The following CADPS variants were observed in gnomAD, a reference collection of about 807,000 sequenced individuals.
CADPS encodes calcium dependent secretion activator, also known as calcium-dependent secretion activator 1.
Under a neutral mutation model 167.3 loss-of-function variants are expected in CADPS, and 57 were observed. That is an observed-to-expected ratio of 0.34 (90% CI 0.28 to 0.42). The LOEUF is 0.42. CADPS is among the 20% of genes least tolerant of loss of function. CADPS has a pLI of 1.00. For missense variants in CADPS, 1,414 were observed against 1,738.1 expected (o/e 0.81, Z 3.32); for synonymous variants, 676 against 635.3 (o/e 1.06, Z -0.96).
chr3:62,763,014 C>T (rs1296777006), intron 2 of CADPS, among the ~76,000 whole-genome samples: 2 of 152,062 alleles, frequency 1.3e-5, no homozygotes, highest in African/African-American at 4.8e-5. Flanking sequence ...TTGGTTTTGT[C>T]TGCTGAGCAT....
intron 3 of CADPS, among the ~76,000 whole-genome samples, chr3:62,742,322 A>G (rs1438787167): frequency 6.6e-6 from 1 of 152,216 alleles, no homozygotes; most frequent in Non-Finnish European, 1.5e-5. Context: ...AGCCAAGGAA[A>G]TCCTACCAAA....
intron 1 of CADPS, among the ~76,000 whole-genome samples, chr3:62,844,200 C>G (rs1299586624): frequency 1.3e-5 from 2 of 152,074 alleles, no homozygotes; most frequent in African/African-American, 4.8e-5. Context: ...TGAAGTTTAC[C>G]GGCATCAACA....
At position 62,570,776 on chromosome 3, in the gene CADPS, C is replaced by G. The variant is rs1178884447; in HGVS notation, c.1644+96G>C. On this transcript the variant is annotated intron_variant, in intron 9 of 29. Coordinates refer to ENST00000383710, the MANE Select transcript of CADPS (RefSeq NM_003716.4). ...AAATTCATTAAGCTAAATGCATGAG[C>G]TCTGTGTATTTAAGTTATACCTCAG... The G allele has an allele frequency of 1.5e-5, 12 of 825,064 alleles. No homozygotes were observed. In the East Asian group the frequency reaches 2.9e-4, roughly 20 times the overall value. 51.1% of individuals were successfully genotyped at this position (825,064 alleles called of 1,614,324 possible). A position where few individuals can be genotyped will look rare whatever the true frequency, so the allele number is the denominator to read the frequency against.
At chr3:62,783,248 A>G (rs2091977157) in intron 1 of CADPS, among the ~76,000 whole-genome samples, 1 of 151,260 alleles carries the variant, frequency 6.6e-6, no homozygotes, top group Non-Finnish European at 1.5e-5. Context: ...GGCAAACTCT[A>G]GTTTCAAGCA....
chr3:62,794,800 A>T (rs889029738), intron 1 of CADPS, among the ~76,000 whole-genome samples: 4 of 148,600 alleles, frequency 2.7e-5, no homozygotes, highest in Non-Finnish European at 6.0e-5. Flanking sequence ...AAAAAAAAAA[A>T]AAATGCAAGA....
At chr3:62,427,578 A>AC (rs1560234894) in intron 28 of CADPS, among the ~76,000 whole-genome samples, 2 of 151,958 alleles carry the variant, frequency 1.3e-5, no homozygotes, top group South Asian at 2.1e-4. Context: ...CATGCCCCCA[A>AC]CCCCCGAGTT....
intron 6 of CADPS, among the ~76,000 whole-genome samples, chr3:62,628,413 A>G (rs950698391): frequency 7.9e-5 from 12 of 152,110 alleles, no homozygotes; most frequent in African/African-American, 2.9e-4. Context: ...TATTTAATGA[A>G]TTTTTTTGAA....
intron 28 of CADPS, among the ~76,000 whole-genome samples, chr3:62,422,686 A>G (rs1478018063): frequency 6.6e-6 from 1 of 151,776 alleles, no homozygotes; most frequent in Non-Finnish European, 1.5e-5. Flanking sequence ...TTTAGTTGCA[A>G]CTCCATTTGT....
chr3:62,851,200 C>A (rs1430580632), intron 1 of CADPS, among the ~76,000 whole-genome samples: 1 of 142,000 alleles, frequency 7.0e-6, no homozygotes, highest in Non-Finnish European at 1.5e-5. Context: ...CTGAATACAG[C>A]ACATTGATGG....
chr3:62,567,617 C>T (rs1254550875), intron 9 of CADPS, among the ~76,000 whole-genome samples: 2 of 125,676 alleles, frequency 1.6e-5, no homozygotes, highest in African/African-American at 2.9e-5. Context: ...CTCTGTCTCC[C>T]AGGCTGGAAT....
chr3:62,539,982 T>C (rs2152084421), intron 11 of CADPS, among the ~76,000 whole-genome samples: 1 of 152,234 alleles, frequency 6.6e-6, no homozygotes, highest in East Asian at 1.9e-4. Context: ...CAAGTCCACC[T>C]TCAGAGGACT....
At chr3:62,599,748 C>CATAATA (rs2059542281) in intron 6 of CADPS, among the ~76,000 whole-genome samples, 1 of 17,368 alleles carries the variant, frequency 5.8e-5, no homozygotes, top group Non-Finnish European at 9.9e-5. Flanking sequence ...TATATATAAT[C>CATAATA]TATTATATAT....
rs144952321 is a variant in CADPS at position 62,692,004 on chromosome 3, A to G, written c.889-29610T>C. On this transcript the variant is annotated intron_variant, in intron 3 of 29. Transcript: ENST00000383710. The stretch of plus-strand genomic sequence containing the variant: ...TCTTATCTTATGAAATAAATTTATA[A>G]CTCCAGATGCATGTGATTTTCTTAC... Among the ~76,000 whole-genome samples the G allele has an allele frequency of 4.7e-3, 709 of 152,064 alleles. 3 individuals are homozygous for G. Among genetic ancestry groups the G allele is most frequent in the Non-Finnish European group, 7.2e-3 (492 of 67,984 alleles).
intron 6 of CADPS, among the ~76,000 whole-genome samples, chr3:62,595,916 A>G (rs984475767): frequency 1.3e-5 from 2 of 152,100 alleles, no homozygotes; most frequent in African/African-American, 2.4e-5. Context: ...CCAGCAGCCT[A>G]TATCTTTCTC....
At chr3:62,810,006 C>T (rs2094317584) in intron 1 of CADPS, among the ~76,000 whole-genome samples, 1 of 152,146 alleles carries the variant, frequency 6.6e-6, no homozygotes, top group Non-Finnish European at 1.5e-5. Flanking sequence ...TCAAGTGGTC[C>T]ACACTGGCCT....
intron 8 of CADPS, among the ~76,000 whole-genome samples, chr3:62,576,195 CA>C (rs2082233979): frequency 6.6e-6 from 1 of 152,074 alleles, no homozygotes; most frequent in African/African-American, 2.4e-5. Context: ...CTGGATTTAC[CA>C]ATAGACAAAG....
chr3:62,475,290 G>A (rs1435349515), intron 23 of CADPS, among the ~76,000 whole-genome samples: 1 of 152,090 alleles, frequency 6.6e-6, no homozygotes, highest in African/African-American at 2.4e-5. Flanking sequence ...AGGTTTCAGG[G>A]AAGTGGGTGA....
At chr3:62,708,477 G>C (rs2082739676) in intron 3 of CADPS, among the ~76,000 whole-genome samples, 7 of 151,998 alleles carry the variant, frequency 4.6e-5, no homozygotes, top group Admixed American at 4.6e-4. Flanking sequence ...TGAGAAAAGT[G>C]AAACACCAAG....
chr3:62,448,910 G>A (rs1010431285), intron 26 of CADPS, among the ~76,000 whole-genome samples: 7 of 152,086 alleles, frequency 4.6e-5, no homozygotes, highest in Admixed American at 1.3e-4. Context: ...CACCATGCCC[G>A]GCCGCTGGAT....
Sources: gnomAD v4.1 joint callset for allele counts (sites outside exome capture counted in the v4.1 genomes callset) on GRCh38, gnomAD v4.1.1 for gene constraint, MANE v1.5 for transcripts, NCBI Gene and HGNC (gene_info 2026-07-23, HGNC 2026-07-21) for gene names.